The following PPIL6 variants were observed in gnomAD, a reference collection of about 807,000 sequenced individuals.
The protein encoded by PPIL6 is probable inactive peptidyl-prolyl cis-trans isomerase-like 6.
In PPIL6, 39 loss-of-function variants were observed where a neutral mutation model predicts 36.8. The ratio of observed to expected loss-of-function variants is 1.06; its 90% CI spans 0.82 to 1.38. The LOEUF (loss-of-function observed/expected upper bound fraction) is 1.38, where lower values mean the gene tolerates loss of function less well. Ranked by LOEUF, PPIL6 falls within the 40% of genes most tolerant of loss-of-function variation. The pLI is 0.00. For missense variants in PPIL6, 368 were observed against 379.1 expected, an observed-to-expected ratio of 0.97 and a Z score of 0.24; for synonymous variants, 123 against 134.1, an observed-to-expected ratio of 0.92 and a Z score of 0.57.
chr6:109,427,862 T>C (rs1773909395), intron 3 of PPIL6, among the ~76,000 whole-genome samples: 1 of 152,224 alleles, frequency 6.6e-6, no homozygotes, highest in Non-Finnish European at 1.5e-5. Flanking sequence ...ACTTCGCTTC[T>C]TTCCTATTTT....
At chr6:109,433,060 T>C (rs1052573440) in intron 2 of PPIL6, among the ~76,000 whole-genome samples, 1 of 141,176 alleles carries the variant, frequency 7.1e-6, no homozygotes, top group Non-Finnish European at 1.6e-5. Context: ...CAAAACTTTC[T>C]TTTTTTTTTT....
At chr6:109,429,860 C>T (rs1181512212) in intron 3 of PPIL6, among the ~76,000 whole-genome samples, 7 of 152,182 alleles carry the variant, frequency 4.6e-5, no homozygotes, top group Non-Finnish European at 5.9e-5. Context: ...CACACCTTTT[C>T]GCCTTCGATC....
chr6:109,437,356 T>A (rs1344550074), intron 1 of PPIL6, among the ~76,000 whole-genome samples: 1 of 152,118 alleles, frequency 6.6e-6, no homozygotes. Flanking sequence ...GCACAGGTCA[T>A]CAGGGGTGAG....
chr6:109,407,904 C>T (rs1772867427), intron 6 of PPIL6, among the ~76,000 whole-genome samples: 1 of 152,172 alleles, frequency 6.6e-6, no homozygotes, highest in Non-Finnish European at 1.5e-5. Flanking sequence ...AGCAATTCTC[C>T]TGCCTCAGCC....
At chr6:109,417,655 G>A (rs1464154253) in intron 6 of PPIL6, among the ~76,000 whole-genome samples, 3 of 152,126 alleles carry the variant, frequency 2.0e-5, no homozygotes, top group Non-Finnish European at 1.5e-5. Context: ...ATAGAGCCAA[G>A]GAAAGCTATG....
intron 6 of PPIL6, among the ~76,000 whole-genome samples, chr6:109,403,287 A>T (rs6920962): frequency 0.47 from 71,196 of 151,494 alleles, 17,850 homozygotes; most frequent in African/African-American, 0.66. Context: ...AATTTTTTTT[A>T]AAAAAATTAT....
chr6:109,425,053 C>T (rs906554493), intron 5 of PPIL6, among the ~76,000 whole-genome samples: 11 of 152,292 alleles, frequency 7.2e-5, no homozygotes, highest in Non-Finnish European at 1.0e-4. Context: ...GGGTCTGGAT[C>T]ATGGGAACTG....
At chr6:109,403,042 T>G (rs1582533862) in intron 6 of PPIL6, 1 of 1,531,424 alleles carries the variant, frequency 6.5e-7, no homozygotes, top group East Asian at 2.5e-5. Flanking sequence ...TCGGTATTTC[T>G]CGATCTTTCC....
intron 6 of PPIL6, among the ~76,000 whole-genome samples, chr6:109,400,490 T>G (rs780901946): frequency 1.3e-5 from 2 of 152,180 alleles, no homozygotes; most frequent in Non-Finnish European, 2.9e-5. Flanking sequence ...TCAGCAAACT[T>G]TCTCGTGCTG....
intron 3 of PPIL6, among the ~76,000 whole-genome samples, chr6:109,430,602 T>C (rs934067010): frequency 5.3e-4 from 80 of 152,186 alleles, no homozygotes; most frequent in African/African-American, 1.8e-3. Context: ...AATTTTTGTA[T>C]TTTTAGTAGA....
intron 6 of PPIL6, among the ~76,000 whole-genome samples, chr6:109,411,452 G>A (rs746275666): frequency 1.3e-5 from 2 of 152,172 alleles, no homozygotes; most frequent in African/African-American, 2.4e-5. Context: ...AATAAAACCT[G>A]CTGCACATAT....
chr6:109,404,434 C>T (rs957128821), intron 6 of PPIL6, among the ~76,000 whole-genome samples: 4 of 152,190 alleles, frequency 2.6e-5, no homozygotes, highest in African/African-American at 7.2e-5. Flanking sequence ...TCTGTGCTGC[C>T]GCACCCAACT....
At chr6:109,402,826 A>G (rs182845230) in intron 6 of PPIL6, among the ~76,000 whole-genome samples, 1 of 152,130 alleles carries the variant, frequency 6.6e-6, no homozygotes, top group Admixed American at 6.6e-5. Flanking sequence ...GCCAGGGCCT[A>G]CGGAAATCGC....
intron 6 of PPIL6, among the ~76,000 whole-genome samples, chr6:109,408,434 T>C (rs1431067751): frequency 6.6e-6 from 1 of 152,214 alleles, no homozygotes; most frequent in African/African-American, 2.4e-5. Flanking sequence ...GTTTCAATTT[T>C]TTAGATACTT....
At chr6:109,412,812 G>A (rs1279422135) in intron 6 of PPIL6, among the ~76,000 whole-genome samples, 1 of 152,114 alleles carries the variant, frequency 6.6e-6, no homozygotes, top group African/African-American at 2.4e-5. Flanking sequence ...AAACTCTCTG[G>A]ACAAATGGGA....
chr6:109,427,793 T>C (rs1261544685), intron 3 of PPIL6, among the ~76,000 whole-genome samples: 2 of 152,182 alleles, frequency 1.3e-5, no homozygotes, highest in Non-Finnish European at 2.9e-5. Context: ...ACATCACAAC[T>C]AGGTGTGGAA....
At chr6:109,433,181 C>T (rs1347959336) in intron 2 of PPIL6, among the ~76,000 whole-genome samples, 4 of 151,988 alleles carry the variant, frequency 2.6e-5, no homozygotes, top group Non-Finnish European at 5.9e-5. Flanking sequence ...CTCAGCCTCC[C>T]GAGTAGCTGG....
Position 109,392,871 on chromosome 6 carries a change from T to C in PPIL6, c.891A>G (p.Pro297=), listed in dbSNP as rs1772146227. ...LELVPTQNER[P]IHMCRITDSG... ...TGTCAGTAATTCTACACATATGTAT[T>C]GGTCTTTCATTCTGTGTTGGAACTA... The change falls in exon 8 of 8, where the codon CCA becomes CCG. Residue 297 remains proline (P), a synonymous_variant. Coordinates refer to ENST00000521072, the MANE Select transcript of PPIL6 (RefSeq NM_173672.5). 6.2e-6 allele frequency: 10 copies of C among 1,608,694 alleles called. No individual in the cohort carries two copies. Among genetic ancestry groups the C allele is most frequent in the African/African-American group, 1.3e-5 (1 of 74,806 alleles).
chr6:109,418,421 AT>A (rs1350819960), intron 6 of PPIL6, among the ~76,000 whole-genome samples: 1 of 151,874 alleles, frequency 6.6e-6, no homozygotes, highest in East Asian at 1.9e-4. Flanking sequence ...TACTGTGCAG[AT>A]TTCATGGCTG....
Sources: allele counts gnomAD v4.1 joint callset (sites outside exome capture counted in the v4.1 genomes callset), GRCh38; gene constraint gnomAD v4.1.1; transcripts MANE v1.5; gene names NCBI Gene and HGNC (gene_info 2026-07-23, HGNC 2026-07-21).